SLC4A1AP: variants seen among roughly 807,000 people sequenced by gnomAD.
SLC4A1AP encodes solute carrier family 4 member 1 adaptor protein.
SLC4A1AP carries 64 observed loss-of-function variants against 89.7 expected under a neutral mutation model. The ratio of observed to expected loss-of-function variants is 0.71; its 90% CI spans 0.58 to 0.88. The LOEUF is 0.88. Ranked by LOEUF, SLC4A1AP falls within the 40% of genes least tolerant of loss-of-function variation. The pLI, the probability that SLC4A1AP is intolerant of heterozygous loss-of-function variation, is 0.00. For missense variants in SLC4A1AP, 931 were observed against 965.0 expected (o/e 0.96, Z 0.47); for synonymous variants, 366 against 353.3 (o/e 1.04, Z -0.40).
At chr2:27,687,774 A>G (rs1243042744) in intron 10 of SLC4A1AP, among the ~76,000 whole-genome samples, 160 bp from the exon 11 acceptor site, 1 of 152,192 alleles carries the variant, frequency 6.6e-6, no homozygotes, top group African/African-American at 2.4e-5. Flanking sequence ...AATACATTTG[A>G]AACATATTTA....
chr2:27,677,460 T>C, intron 7 of SLC4A1AP, 96 bp downstream of exon 7: 1 of 841,318 alleles, frequency 1.2e-6, no homozygotes, highest in Non-Finnish European at 1.9e-6. Context: ...CCATACAGAA[T>C]ATGGAGCCTT....
intron 10 of SLC4A1AP, among the ~76,000 whole-genome samples, chr2:27,686,521 T>C (rs1675707013): frequency 6.6e-6 from 1 of 152,138 alleles, no homozygotes; most frequent in African/African-American, 2.4e-5. Flanking sequence ...TCCCAGCACT[T>C]TGGGAGGCCG....
chr2:27,676,261 C>G (rs1675521072), intron 6 of SLC4A1AP, among the ~76,000 whole-genome samples: 1 of 152,152 alleles, frequency 6.6e-6, no homozygotes, highest in South Asian at 2.1e-4. Context: ...TACAATACAA[C>G]CTTTTAAGTG....
At chr2:27,686,119 G>A (rs1675701906) in intron 10 of SLC4A1AP, among the ~76,000 whole-genome samples, 1 of 152,150 alleles carries the variant, frequency 6.6e-6, no homozygotes, top group Admixed American at 6.6e-5. Flanking sequence ...AACTGGCACT[G>A]AATGTATGGG....
chr2:27,668,793 A>G, intron 3 of SLC4A1AP, 50 bp from the exon 4 acceptor site: 1 of 1,490,464 alleles, frequency 6.7e-7, no homozygotes, highest in South Asian at 1.1e-5. Context: ...TGTATCAACT[A>G]GTAATTTTTG....
chr2:27,691,249 T>C (rs1468382216), intron 12 of SLC4A1AP, among the ~76,000 whole-genome samples: 2 of 152,252 alleles, frequency 1.3e-5, no homozygotes, highest in East Asian at 3.9e-4. Context: ...TCAGGATTTC[T>C]GTTTCTTCCT....
At chr2:27,676,767 T>C (rs192305269) in intron 6 of SLC4A1AP, among the ~76,000 whole-genome samples, 1 of 150,848 alleles carries the variant, frequency 6.6e-6, no homozygotes, top group Non-Finnish European at 1.5e-5. Flanking sequence ...GAAGCAGAGG[T>C]TGCAGTGAGT....
chr2:27,675,385 C>A (rs1338484600), intron 5 of SLC4A1AP, 147 bp from the exon 6 acceptor site: 2 of 498,514 alleles, frequency 4.0e-6, no homozygotes, highest in South Asian at 7.0e-5. Context: ...AAGGTTTAGC[C>A]CTTTGTTTTT....
At chr2:27,677,412 A>G (rs1558507690) in intron 7 of SLC4A1AP, 48 bp downstream of exon 7, 5 of 1,281,552 alleles carry the variant, frequency 3.9e-6, no homozygotes, top group Non-Finnish European at 5.7e-6. Context: ...ATAGTGCTCT[A>G]TGCTAGGCAC....
At position 27,666,869 on chromosome 2, in the gene SLC4A1AP, ATATT is replaced by A. The variant is rs1425029720; in HGVS notation, c.1022-397_1022-394del. Among the ~76,000 whole-genome samples the A allele has an allele frequency of 7.9e-4, 57 of 71,902 alleles. 1 individual carries two copies. The East Asian group carries it at 0.067, about 84-fold the overall frequency. The allele number at this position is 71,902 out of a possible 152,430, so 47.2% of individuals were successfully genotyped here. On this transcript the variant is annotated intron_variant, in intron 2 of 13. Transcript: ENST00000613058. The stretch of plus-strand genomic sequence containing the variant: ...TCACAGATAAACTATATATATATAT[ATATT>A]TTTTTTTTTTTGGGAGACGGTCTCA...
intron 4 of SLC4A1AP, 87 bp from the exon 5 acceptor site, chr2:27,669,161 A>G: frequency 7.1e-7 from 1 of 1,408,368 alleles, no homozygotes; most frequent in Non-Finnish European, 9.6e-7. Flanking sequence ...CATCTAAAAA[A>G]AAAATGACTA....
In SLC4A1AP at chr2:27,688,777, T is replaced by G. The variant is rs2148140505; in HGVS notation, c.2271+10T>G. 6.3e-7 allele frequency: 1 copy of G among 1,591,516 alleles called. No homozygotes were observed. Among genetic ancestry groups the G allele is most frequent in the South Asian group, 1.1e-5 (1 of 87,320 alleles). ...ACCTGGTCCAGGCAAAGTAAGTATTTCACTTGTCTGGGAGTAAAAATGAAT... is the reference window on the plus strand; with the variant it reads ...ACCTGGTCCAGGCAAAGTAAGTATTGCACTTGTCTGGGAGTAAAAATGAAT... On this transcript the variant is annotated intron_variant, in intron 12 of 13. Transcript: ENST00000613058.
chr2:27,668,262 C>T (rs900234522), intron 3 of SLC4A1AP, among the ~76,000 whole-genome samples: 2 of 152,026 alleles, frequency 1.3e-5, no homozygotes, highest in African/African-American at 4.8e-5. Context: ...CATTCTCCTG[C>T]GTCAGCCTCC....
chr2:27,668,573 C>G (rs984516673), intron 3 of SLC4A1AP: 3 of 609,080 alleles, frequency 4.9e-6, no homozygotes, highest in African/African-American at 1.8e-5. Flanking sequence ...CCTTAGCCCC[C>G]GTAGTAGCTG....
chr2:27,667,374 CT>C lies in SLC4A1AP; in HGVS notation c.1134del (p.Phe378LeufsTer8). The C allele has an allele frequency of 1.9e-6, 3 of 1,612,522 alleles. No individual in the cohort carries two copies. The highest frequency in any genetic ancestry group is 1.7e-5 in the Admixed American group (1 of 59,676). On this transcript the variant is annotated frameshift_variant, in exon 3 of 14. Transcript: ENST00000613058. LOFTEE classifies it high-confidence loss of function. ...AGGATCCCAAAAAGGCTCTCCAAGGCTTTTTTGACCGAGAAGGTATGTAAAC... is the reference window on the plus strand; with the variant it reads ...AGGATCCCAAAAAGGCTCTCCAAGGCTTTTTGACCGAGAAGGTATGTAAAC...
chr2:27,666,352 A>ACCACCCACC lies in SLC4A1AP; in HGVS notation c.1022-914_1022-913insACCCACCCC, dbSNP rs1558504861. 5.9e-4 allele frequency among the ~76,000 whole-genome samples: 2 copies of ACCACCCACC among 3,418 alleles called. 1 individual carries two copies. Among genetic ancestry groups the ACCACCCACC allele is most frequent in the Non-Finnish European group, 1.8e-3 (2 of 1,130 alleles). The allele number at this position is 3,418 out of a possible 152,430, so 2.2% of individuals were successfully genotyped here. ...TCTTGAACTCCTGACCTTGTGATCCACCCCCCACCCCCCCCCCCCACCCCG... is the reference window on the plus strand; with the variant it reads ...TCTTGAACTCCTGACCTTGTGATCCACCACCCACCCCCCCCACCCCCCCCCCCCACCCCG... On this transcript the variant is annotated intron_variant, in intron 2 of 13. Coordinates refer to ENST00000613058, the Ensembl canonical transcript of SLC4A1AP.
chr2:27,670,928 T>C (rs1345488918), intron 5 of SLC4A1AP, among the ~76,000 whole-genome samples: 5 of 144,934 alleles, frequency 3.4e-5, no homozygotes, highest in Non-Finnish European at 6.1e-5. Context: ...TTTTCTTTTT[T>C]TTTTTTTTTT....
At chr2:27,687,365 T>G (rs1675719393) in intron 10 of SLC4A1AP, among the ~76,000 whole-genome samples, 1 of 152,032 alleles carries the variant, frequency 6.6e-6, no homozygotes, top group Non-Finnish European at 1.5e-5. Flanking sequence ...GGAGAATGAC[T>G]TGAGCCCAGG....
chr2:27,668,945 C>G, intron 4 of SLC4A1AP, 42 bp downstream of exon 4: 1 of 1,558,682 alleles, frequency 6.4e-7, no homozygotes, highest in Non-Finnish European at 8.8e-7. Context: ...GGAAAATGGC[C>G]AATTTCAGGT....
Sources: gnomAD v4.1 joint callset for allele counts (sites outside exome capture counted in the v4.1 genomes callset) on GRCh38, gnomAD v4.1.1 for gene constraint, MANE v1.5 for transcripts, NCBI Gene and HGNC (gene_info 2026-07-23, HGNC 2026-07-21) for gene names.